The following ACACA variants were observed in gnomAD, a reference collection of about 807,000 sequenced individuals.
The protein encoded by ACACA is acetyl-CoA carboxylase 1.
ACACA carries 103 observed loss-of-function variants against 296.1 expected under a neutral mutation model. That is an observed-to-expected ratio of 0.35 (90% CI 0.30 to 0.41). The LOEUF (loss-of-function observed/expected upper bound fraction) is 0.41, where lower values mean the gene tolerates loss of function less well. Ranked by LOEUF, ACACA falls within the 10% of genes least tolerant of loss-of-function variation. The pLI is 1.00. For missense variants in ACACA, 1,554 were observed against 2,989.7 expected, an observed-to-expected ratio of 0.52 and a Z score of 11.20; for synonymous variants, 953 against 1,038.6, an observed-to-expected ratio of 0.92 and a Z score of 1.58.
chr17:37,265,714 T>A (rs1245126149), intron 10 of ACACA, among the ~76,000 whole-genome samples: 1 of 152,188 alleles, frequency 6.6e-6, no homozygotes, highest in Non-Finnish European at 1.5e-5. Context: ...CTTTTCATTT[T>A]GTTTTGTTTT....
Position 37,299,235 on chromosome 17 carries a change from T to C in ACACA, c.339-14265A>G, listed in dbSNP as rs369817846. On this transcript the variant is annotated intron_variant, in intron 3 of 55. Transcript: ENST00000616317. Reference sequence around the variant, plus strand: ...TTAGCTGTCAGTACCTTACTGTTTTTTTAAAGATATATATATTACCCAAAT... The same window carrying C: ...TTAGCTGTCAGTACCTTACTGTTTTCTTAAAGATATATATATTACCCAAAT... 122 of 1,588,288 alleles carry C rather than the reference T, an allele frequency of 7.7e-5. No homozygotes were observed. In the African/African-American group the frequency reaches 1.5e-3, roughly 20 times the overall value.
intron 11 of ACACA, among the ~76,000 whole-genome samples, chr17:37,261,173 A>T (rs1196659524): frequency 6.6e-6 from 1 of 152,140 alleles, no homozygotes; most frequent in Non-Finnish European, 1.5e-5. Flanking sequence ...AAAGGGTCAG[A>T]GTGTCGAAAA....
intron 1 of ACACA, among the ~76,000 whole-genome samples, chr17:37,375,766 T>C (rs553519704): frequency 6.6e-6 from 1 of 152,236 alleles, no homozygotes; most frequent in Non-Finnish European, 1.5e-5. Flanking sequence ...CGTGTCTATC[T>C]GCAAGTATTT....
chr17:37,089,720 C>A lies in ACACA; in HGVS notation c.6892-646G>T, dbSNP rs1200398099. Among the ~76,000 whole-genome samples, 4 of 152,228 alleles carry A rather than the reference C, an allele frequency of 2.6e-5. No individual in the cohort carries two copies. In the South Asian group the frequency reaches 8.3e-4, roughly 32 times the overall value. ...TCGAAAGGATCAAGACGTCCATAAC[C>A]CTGAAAGTCTCAACAAACCACCTCT... is the stretch of plus-strand genomic sequence containing the variant. On this transcript the variant is annotated intron_variant, in intron 54 of 55. Coordinates refer to ENST00000616317, the MANE Select transcript of ACACA (RefSeq NM_198834.3).
At chr17:37,101,237 G>A (rs988967020) in intron 52 of ACACA, among the ~76,000 whole-genome samples, 2 of 152,206 alleles carry the variant, frequency 1.3e-5, no homozygotes, top group Non-Finnish European at 2.9e-5. Flanking sequence ...AACAATAGGT[G>A]AATTTGAGAA....
intron 1 of ACACA, among the ~76,000 whole-genome samples, chr17:37,346,292 G>A (rs541711618): frequency 1.8e-4 from 24 of 134,666 alleles, no homozygotes; most frequent in Non-Finnish European, 3.1e-4. Context: ...ACTCCAGCCT[G>A]ACCAACAGAG....
Position 37,155,784 on chromosome 17 carries a change from T to G in ACACA, c.5350-4A>C. 6.4e-7 allele frequency: 1 copy of G among 1,572,604 alleles called. No homozygotes were observed. Among genetic ancestry groups the G allele is most frequent in the Non-Finnish European group, 8.7e-7 (1 of 1,144,948 alleles). Reference sequence around the variant, plus strand: ...TCAGATATAAATACCTGTATCCCTGTGAAGCACAAATAGTTTTTAACTCAT... The same window carrying G: ...TCAGATATAAATACCTGTATCCCTGGGAAGCACAAATAGTTTTTAACTCAT... On this transcript the variant is annotated splice_polypyrimidine_tract_variant and splice_region_variant and intron_variant, in intron 42 of 55. Coordinates refer to ENST00000616317, the MANE Select transcript of ACACA (RefSeq NM_198834.3).
chr17:37,174,542 C>CA (rs1567763615), intron 41 of ACACA, among the ~76,000 whole-genome samples: 1 of 150,420 alleles, frequency 6.6e-6, no homozygotes, highest in Non-Finnish European at 1.5e-5. Context: ...TTTTCTTTTT[C>CA]TTTTTTTTTG....
chr17:37,220,847 G>A (rs1029510980), intron 29 of ACACA, among the ~76,000 whole-genome samples: 1 of 152,130 alleles, frequency 6.6e-6, no homozygotes, highest in Non-Finnish European at 1.5e-5. Flanking sequence ...ACCATTTCTG[G>A]TGTCTATAAC....
intron 8 of ACACA, among the ~76,000 whole-genome samples, chr17:37,274,982 G>GAA (rs11344097): frequency 0.013 from 1,713 of 136,234 alleles, 39 homozygotes; most frequent in African/African-American, 0.039. Flanking sequence ...GAGTACTTAA[G>GAA]AAAAAAAAAA....
intron 25 of ACACA, among the ~76,000 whole-genome samples, chr17:37,231,846 T>C (rs1204277431): frequency 6.6e-6 from 1 of 152,202 alleles, no homozygotes; most frequent in East Asian, 1.9e-4. Context: ...TCCTTAAATA[T>C]CTCTAAGCAA....
At chr17:37,383,672 C>T (rs1448325261) in intron 1 of ACACA, among the ~76,000 whole-genome samples, 1 of 152,150 alleles carries the variant, frequency 6.6e-6, no homozygotes, top group Admixed American at 6.5e-5. Flanking sequence ...TTCAGCCTCT[C>T]GAGTAGCTGG....
chr17:37,329,049 A>C lies in ACACA; in HGVS notation c.338+1124T>G, dbSNP rs2047741584. On this transcript the variant is annotated intron_variant, in intron 3 of 55. Transcript: ENST00000616317. ...CTAGTTATATAATCAAACATCGATAAATAAAAACAATCTAGTGTTACTATG... is the reference window on the plus strand; with the variant it reads ...CTAGTTATATAATCAAACATCGATACATAAAAACAATCTAGTGTTACTATG... 4 of 398,234 alleles carry C rather than the reference A, an allele frequency of 1.0e-5. No individual in the cohort carries two copies. The East Asian group carries it at 1.4e-4, about 14-fold the overall frequency. The allele number at this position is 398,234 out of a possible 1,614,324, so 24.7% of individuals were successfully genotyped here.
Position 37,097,231 on chromosome 17 carries a change from A to T in ACACA, c.6721-65T>A. ...CCTGCTTAATGCTCAGTCTGGAGGGAAACCCACAGGCATAAAAACTGATTC... is the reference window on the plus strand; with the variant it reads ...CCTGCTTAATGCTCAGTCTGGAGGGTAACCCACAGGCATAAAAACTGATTC... On this transcript the variant is annotated intron_variant, in intron 53 of 55. Coordinates refer to ENST00000616317, the MANE Select transcript of ACACA (RefSeq NM_198834.3). This position sits in a 1 kb window ranked among gnomAD's most constrained non-coding sequence, Gnocchi z 4.8. 1 of 1,570,900 alleles carries T rather than the reference A, an allele frequency of 6.4e-7. No individual in the cohort carries two copies. Among genetic ancestry groups the T allele is most frequent in the East Asian group, 2.3e-5 (1 of 44,274 alleles).
intron 3 of ACACA, among the ~76,000 whole-genome samples, chr17:37,305,952 G>A (rs1158854315): frequency 8.3e-5 from 12 of 144,466 alleles, no homozygotes; most frequent in South Asian, 2.2e-4. Flanking sequence ...TCTGTCGCCC[G>A]GGCTGGAGTG....
chr17:37,323,094 C>T (rs1229653211), intron 3 of ACACA, among the ~76,000 whole-genome samples: 3 of 152,282 alleles, frequency 2.0e-5, no homozygotes, highest in Non-Finnish European at 2.9e-5. Flanking sequence ...GTAACACATG[C>T]TCACTTGGGC....
intron 1 of ACACA, among the ~76,000 whole-genome samples, chr17:37,346,384 GGGA>G (rs35348280): frequency 0.26 from 38,699 of 150,352 alleles, 5,581 homozygotes; most frequent in African/African-American, 0.37. Flanking sequence ...GGTAGCAGAT[GGGA>G]GGAGGGAAAC....
At chr17:37,162,482 GTGAGGTGTT>G (rs1470106144) in intron 41 of ACACA, 2 of 305,610 alleles carry the variant, frequency 6.5e-6, no homozygotes, top group Non-Finnish European at 1.2e-5. Flanking sequence ...GGGGCCTGGT[GTGAGGTGTT>G]TGGGTCATGG....
intron 1 of ACACA, among the ~76,000 whole-genome samples, chr17:37,358,745 C>T (rs2049264112): frequency 6.6e-6 from 1 of 152,168 alleles, no homozygotes; most frequent in South Asian, 2.1e-4. Context: ...GAACTGTACG[C>T]CTCCCAGTTC....
Sources: allele counts gnomAD v4.1 joint callset (sites outside exome capture counted in the v4.1 genomes callset), GRCh38; gene constraint gnomAD v4.1.1; non-coding constraint Gnocchi (gnomAD v3.1); transcripts MANE v1.5; gene names NCBI Gene and HGNC (gene_info 2026-07-23, HGNC 2026-07-21).